Variants in XPO5 observed in about 807,000 individuals in gnomAD.
XPO5 encodes the protein exportin 5, also known as exportin-5.
Under a neutral mutation model 160.6 loss-of-function variants are expected in XPO5, and 46 were observed. That is an observed-to-expected ratio of 0.29 (90% CI 0.23 to 0.37). The LOEUF (loss-of-function observed/expected upper bound fraction) is 0.37. Ranked by LOEUF, XPO5 falls within the 10% of genes least tolerant of loss-of-function variation. The pLI is 1.00. For missense variants in XPO5, 1,090 were observed against 1,463.9 expected, an observed-to-expected ratio of 0.74 and a Z score of 4.17; for synonymous variants, 537 against 519.3, an observed-to-expected ratio of 1.03 and a Z score of -0.46.
chr6:43,538,082 C>CAAAAAA (rs1217531011), intron 20 of XPO5, among the ~76,000 whole-genome samples: 3 of 36,132 alleles, frequency 8.3e-5, no homozygotes, highest in African/African-American at 1.6e-4. Context: ...AAGATGGTCT[C>CAAAAAA]AAAAAAAAAA....
rs192020192 is a variant in XPO5 at position 43,523,465 on chromosome 6, G to A, written c.*403C>T. 1.3e-4 allele frequency: 45 copies of A among 355,450 alleles called. No individual in the cohort carries two copies. The highest frequency in any genetic ancestry group is 7.2e-5 in the Non-Finnish European group (13 of 180,454). The allele number at this position is 355,450 out of a possible 1,614,324, so 22.0% of individuals were successfully genotyped here. On this transcript the variant is annotated 3_prime_UTR_variant, in exon 32 of 32. Coordinates refer to ENST00000265351, the MANE Select transcript of XPO5 (RefSeq NM_020750.3). Reference sequence around the variant, plus strand: ...GAGAAACTCTGGCACAAGTAGTTGAGGGCTGTGCTCTTGCTGCGAGCCTTG... The same window carrying A: ...GAGAAACTCTGGCACAAGTAGTTGAAGGCTGTGCTCTTGCTGCGAGCCTTG...
rs1561877330 is a variant in XPO5 at position 43,551,351 on chromosome 6, G to C, written c.1675C>G (p.Leu559Val). Residue 559 changes from leucine to valine, a missense_variant, in exon 15 of 32, where the codon CTC becomes GTC. Leu to Val is a conservative substitution (Grantham distance 32, BLOSUM62 1). Around this residue, in one of 3 missense-constraint regions of XPO5, gnomAD observed 810 missense variants for 1,139.0 expected, o/e 0.71. Transcript: ENST00000265351. ...LSCVLTNVSA[L>V]FPFVTYRPEF... Reference sequence around the variant, plus strand: ...GGTCTGTAGGTGACAAATGGAAAGAGTGCAGAGACATTAGTAAGGACGCAG... The same window carrying C: ...GGTCTGTAGGTGACAAATGGAAAGACTGCAGAGACATTAGTAAGGACGCAG... 1.2e-6 allele frequency: 2 copies of C among 1,614,010 alleles called. No individual in the cohort carries two copies. The highest frequency in any genetic ancestry group is 1.7e-6 in the Non-Finnish European group (2 of 1,179,892).
chr6:43,543,837 T>C (rs6931025), intron 20 of XPO5, among the ~76,000 whole-genome samples: 28,537 of 151,826 alleles, frequency 0.19, 5,734 homozygotes, highest in African/African-American at 0.51. Context: ...CCACCATGCC[T>C]GGCTAATTTT....
intron 18 of XPO5, among the ~76,000 whole-genome samples, chr6:43,548,032 T>C (rs1795049602): frequency 6.6e-6 from 1 of 152,236 alleles, no homozygotes; most frequent in Admixed American, 6.5e-5. Context: ...CTAAATGTGC[T>C]GGTGCTGCAA....
Position 43,570,503 on chromosome 6 carries a change from A to G in XPO5, c.620T>C (p.Val207Ala). The G allele has an allele frequency of 6.2e-7, 1 of 1,612,960 alleles. No homozygotes were observed. Among genetic ancestry groups the G allele is most frequent in the Non-Finnish European group, 8.5e-7 (1 of 1,179,508 alleles). The change falls in exon 5 of 32, where the codon GTG (valine) becomes GCG (alanine). Residue 207 changes from valine (V) to alanine (A), a missense_variant and splice_region_variant. Around this residue, in one of 3 missense-constraint regions of XPO5, gnomAD observed 110 missense variants for 97.9 expected, o/e 1.12. Transcript: ENST00000265351. ...LQENVNKYQQ[V>A]KTDTSQESKA... ...GTTATAGGTAGGGGTATCCCTTACC[A>G]CTTGCTGATACTTGTTTACATTTTC... is the stretch of plus-strand genomic sequence containing the variant.
chr6:43,541,321 A>C (rs1794678578), intron 20 of XPO5, among the ~76,000 whole-genome samples: 1 of 152,216 alleles, frequency 6.6e-6, no homozygotes, highest in Non-Finnish European at 1.5e-5. Flanking sequence ...CCCCATTTTA[A>C]TTGATGTGAT....
At chr6:43,552,789 C>A (rs1795311515) in intron 14 of XPO5, among the ~76,000 whole-genome samples, 1 of 152,156 alleles carries the variant, frequency 6.6e-6, no homozygotes. Context: ...TCTGTGCATA[C>A]CCTCCTTTTC....
intron 1 of XPO5, among the ~76,000 whole-genome samples, chr6:43,574,556 C>T (rs573863528): frequency 2.4e-4 from 36 of 151,606 alleles, no homozygotes; most frequent in African/African-American, 8.2e-4. Context: ...CAGATTTTTT[C>T]CATGCTACGG....
intron 12 of XPO5, among the ~76,000 whole-genome samples, chr6:43,557,783 TAAAAAAAAAA>T (rs59661301): frequency 1.1e-5 from 1 of 87,230 alleles, no homozygotes; most frequent in African/African-American, 4.2e-5. Context: ...AATAAAGCTG[TAAAAAAAAAA>T]AAAAAAAAAA....
At chr6:43,558,857 AGGTCCCC>A in intron 11 of XPO5, 2 of 340,912 alleles carry the variant, frequency 5.9e-6, no homozygotes, top group Middle Eastern at 8.4e-4. Flanking sequence ...AATTCTTTTA[AGGTCCCC>A]AGAAAAAATG....
intron 6 of XPO5, among the ~76,000 whole-genome samples, chr6:43,568,240 G>A (rs2127753051): frequency 6.6e-6 from 1 of 152,240 alleles, no homozygotes; most frequent in South Asian, 2.1e-4. Context: ...CCAGGAGGCA[G>A]AGCTTGCAGT....
Position 43,523,813 on chromosome 6 carries a change from A to G in XPO5, c.*55T>C. The G allele has an allele frequency of 6.2e-7, 1 of 1,613,652 alleles. No homozygotes were observed. Among genetic ancestry groups the G allele is most frequent in the Non-Finnish European group, 8.5e-7 (1 of 1,179,676 alleles). On this transcript the variant is annotated 3_prime_UTR_variant, in exon 32 of 32. Transcript: ENST00000265351. ...CAAGAAGGGCCTAGAGATCGGCTAC[A>G]AAGGGAAAGAAGAGATGACAAGAAA...
intron 23 of XPO5, among the ~76,000 whole-genome samples, chr6:43,530,179 C>T (rs986884733): frequency 6.6e-6 from 1 of 152,140 alleles, no homozygotes; most frequent in Non-Finnish European, 1.5e-5. Context: ...ATCACTTGAA[C>T]CCAGGAGGTG....
intron 13 of XPO5, chr6:43,555,359 A>C (rs1306983852): frequency 6.5e-6 from 1 of 153,996 alleles, no homozygotes; most frequent in East Asian, 1.9e-4. Context: ...ATTATTCTGA[A>C]TTTATGTAAA....
chr6:43,546,301 T>TA (rs1421545048), intron 20 of XPO5, among the ~76,000 whole-genome samples: 3 of 151,988 alleles, frequency 2.0e-5, no homozygotes, highest in African/African-American at 4.8e-5. Flanking sequence ...GGATGAAGTA[T>TA]AAAGAAATGG....
Position 43,522,623 on chromosome 6 carries a change from C to A in XPO5, c.*1245G>T. 1 of 401,930 alleles carries A rather than the reference C, an allele frequency of 2.5e-6. No homozygotes were observed. Among genetic ancestry groups the A allele is most frequent in the Non-Finnish European group, 5.5e-6 (1 of 182,514 alleles). 24.9% of individuals were successfully genotyped at this position (401,930 alleles called of 1,614,324 possible). ...ACAAGACTCCCAACTTCTGCTTCCCCAGCTTTGCTTCTTCTCAATCTGACC... is the reference window on the plus strand; with the variant it reads ...ACAAGACTCCCAACTTCTGCTTCCCAAGCTTTGCTTCTTCTCAATCTGACC... On this transcript the variant is annotated 3_prime_UTR_variant, in exon 32 of 32. Coordinates refer to ENST00000265351, the MANE Select transcript of XPO5 (RefSeq NM_020750.3).
At chr6:43,545,900 T>C (rs1246302509) in intron 20 of XPO5, among the ~76,000 whole-genome samples, 1 of 152,200 alleles carries the variant, frequency 6.6e-6, no homozygotes, top group Non-Finnish European at 1.5e-5. Context: ...TCATGTGATC[T>C]AAAACAGTGA....
rs139960749 is a variant in XPO5, at chr6:43,574,497, T to C, written c.106-896A>G. Among the ~76,000 whole-genome samples the C allele has an allele frequency of 1.4e-3, 217 of 151,160 alleles. 4 individuals carry two copies. The East Asian group carries it at 0.033, about 23-fold the overall frequency. ...CTATTTTATGTGTATATATTATATATATATTATGAATAAAGAACTGATAAA... is the reference window on the plus strand; with the variant it reads ...CTATTTTATGTGTATATATTATATACATATTATGAATAAAGAACTGATAAA... On this transcript the variant is annotated intron_variant, in intron 1 of 31. Transcript: ENST00000265351.
intron 11 of XPO5, among the ~76,000 whole-genome samples, chr6:43,559,669 C>G (rs1293522123): frequency 6.6e-6 from 1 of 152,136 alleles, no homozygotes; most frequent in Non-Finnish European, 1.5e-5. Flanking sequence ...AGCACCTAGC[C>G]CAATACTTAT....
Sources: gnomAD v4.1 joint callset for allele counts (sites outside exome capture counted in the v4.1 genomes callset) on GRCh38, gnomAD v4.1.1 for gene constraint, gnomAD v4.1.1 regional missense constraint, MANE v1.5 for transcripts, NCBI Gene and HGNC (gene_info 2026-07-23, HGNC 2026-07-21) for gene names.